The following DPYD variants were observed in gnomAD, a reference collection of about 807,000 sequenced individuals.
DPYD encodes dihydropyrimidine dehydrogenase, also known as dihydropyrimidine dehydrogenase [NADP(+)].
DPYD carries 109 observed loss-of-function variants against 116.2 expected under a neutral mutation model. The ratio of observed to expected loss-of-function variants is 0.94; its 90% CI spans 0.80 to 1.10. DPYD has a LOEUF of 1.10. DPYD is among the 50% of genes least tolerant of loss of function. DPYD has a pLI of 0.00. For synonymous variants in DPYD, 440 were observed against 432.0 expected (o/e 1.02, Z -0.23); for missense variants, 1,302 against 1,254.5 (o/e 1.04, Z -0.57).
chr1:97,305,756 C>T (rs185018767), intron 17 of DPYD, among the ~76,000 whole-genome samples: 1 of 152,074 alleles, frequency 6.6e-6, no homozygotes, highest in Admixed American at 6.6e-5. Flanking sequence ...AGGAAGTCAG[C>T]TAGGCCCTAC....
intron 18 of DPYD, among the ~76,000 whole-genome samples, chr1:97,255,041 C>T (rs552031140): frequency 3.3e-5 from 5 of 152,244 alleles, no homozygotes; most frequent in South Asian, 2.1e-4. Context: ...TTAGACATCA[C>T]GTTTATCTTA....
chr1:97,438,441 T>C (rs141365598), intron 14 of DPYD, among the ~76,000 whole-genome samples: 95 of 152,220 alleles, frequency 6.2e-4, no homozygotes, highest in African/African-American at 2.2e-3. Context: ...ACATCTTTTG[T>C]CAGATTTATC....
chr1:97,774,217 C>A (rs1382146673), intron 3 of DPYD, among the ~76,000 whole-genome samples: 1 of 152,164 alleles, frequency 6.6e-6, no homozygotes, highest in Admixed American at 6.5e-5. Flanking sequence ...CATCCAGGAT[C>A]CTGGAAGGAG....
Position 97,679,186 on chromosome 1 carries a change from T to A in DPYD, c.763-4A>T, listed in dbSNP as rs757576626. On this transcript the variant is annotated splice_region_variant and splice_polypyrimidine_tract_variant and intron_variant, in intron 7 of 22. Coordinates refer to ENST00000370192, the MANE Select transcript of DPYD (RefSeq NM_000110.4). ...AAAGGCTTTTACCGCAAATTATCTA[T>A]AAGAAACAATATTTTGCATAAGAAA... is the stretch of plus-strand genomic sequence containing the variant. The A allele has an allele frequency of 6.7e-7, 1 of 1,493,670 alleles. No homozygotes were observed. Among genetic ancestry groups the A allele is most frequent in the Non-Finnish European group, 9.2e-7 (1 of 1,085,484 alleles). The allele number at this position is 1,493,670 out of a possible 1,614,324, so 92.5% of individuals were successfully genotyped here.
At position 97,385,317 on chromosome 1, in the gene DPYD, A is replaced by AAG. The variant is rs1284918421; in HGVS notation, c.1906-2858_1906-2857dup. 4.4e-3 allele frequency among the ~76,000 whole-genome samples: 498 copies of AAG among 112,308 alleles called. 22 individuals carry two copies. The highest frequency in any genetic ancestry group is 0.013 in the African/African-American group (412 of 31,166). 73.7% of individuals were successfully genotyped at this position (112,308 alleles called of 152,430 possible). A position where few individuals can be genotyped will look rare whatever the true frequency, so the allele number is the denominator to read the frequency against. The stretch of plus-strand genomic sequence containing the variant: ...AAAAAAAAAAAAAAAAAAAAAAAAA[A>AAG]AGAGAGAGAGAGATTAAGGACCTTA... On this transcript the variant is annotated intron_variant, in intron 14 of 22. Coordinates refer to ENST00000370192, the MANE Select transcript of DPYD (RefSeq NM_000110.4).
intron 3 of DPYD, among the ~76,000 whole-genome samples, chr1:97,799,968 T>A (rs983903990): frequency 6.6e-6 from 1 of 151,964 alleles, no homozygotes; most frequent in Admixed American, 6.6e-5. Context: ...CCATTAGTAG[T>A]GATATTTATG....
At chr1:97,490,014 G>A (rs1389310581) in intron 13 of DPYD, among the ~76,000 whole-genome samples, 1 of 152,050 alleles carries the variant, frequency 6.6e-6, no homozygotes, top group African/African-American at 2.4e-5. Flanking sequence ...GTTCCTGGTT[G>A]CGCAAGTCAC....
At chr1:97,737,085 T>C (rs1320169292) in intron 4 of DPYD, among the ~76,000 whole-genome samples, 4 of 152,270 alleles carry the variant, frequency 2.6e-5, no homozygotes, top group South Asian at 2.1e-4. Flanking sequence ...CGTTTCTATA[T>C]AGTTGTCTAT....
intron 13 of DPYD, among the ~76,000 whole-genome samples, chr1:97,477,001 C>G (rs1678004756): frequency 6.6e-6 from 1 of 152,180 alleles, no homozygotes; most frequent in Admixed American, 6.5e-5. Flanking sequence ...CAAAACCTTT[C>G]TGCTGGTGGA....
chr1:97,292,264 C>T (rs116137346), intron 18 of DPYD, among the ~76,000 whole-genome samples: 5,356 of 152,102 alleles, frequency 0.035, 314 homozygotes, highest in African/African-American at 0.12. Flanking sequence ...AAGGCATACC[C>T]GAGACTGGGT....
rs114749717 is a variant in DPYD at position 97,441,904 on chromosome 1, C to A, written c.1905+8155G>T. On this transcript the variant is annotated intron_variant, in intron 14 of 22. Coordinates refer to ENST00000370192, the MANE Select transcript of DPYD (RefSeq NM_000110.4). Reference sequence around the variant, plus strand: ...TGGGCATGACCAAAGCAGTGCTCAGCCTGGGGCTAATTATTTCCCAATACT... The same window carrying A: ...TGGGCATGACCAAAGCAGTGCTCAGACTGGGGCTAATTATTTCCCAATACT... 7.2e-3 allele frequency among the ~76,000 whole-genome samples: 1,091 copies of A among 152,240 alleles called. 14 individuals carry two copies. The highest frequency in any genetic ancestry group is 0.025 in the African/African-American group (1,040 of 41,538).
chr1:97,097,050 G>A (rs1411076381), intron 21 of DPYD, among the ~76,000 whole-genome samples: 2 of 152,180 alleles, frequency 1.3e-5, no homozygotes, highest in Admixed American at 1.3e-4. Context: ...CTCGTGAAGG[G>A]CTGTAGGTTC....
chr1:97,384,218 C>T (rs957277705), intron 14 of DPYD, among the ~76,000 whole-genome samples: 2 of 146,890 alleles, frequency 1.4e-5, no homozygotes, highest in Non-Finnish European at 3.0e-5. Context: ...TGTGCTCTCA[C>T]TACATAGAGC....
chr1:97,121,614 C>A (rs554165540), intron 20 of DPYD, among the ~76,000 whole-genome samples: 1 of 152,124 alleles, frequency 6.6e-6, no homozygotes, highest in African/African-American at 2.4e-5. Flanking sequence ...TGTAACAACT[C>A]TGTTGGAAAG....
chr1:97,366,618 C>A (rs1671055892), intron 16 of DPYD, among the ~76,000 whole-genome samples: 1 of 152,180 alleles, frequency 6.6e-6, no homozygotes, highest in South Asian at 2.1e-4. Flanking sequence ...TGTGTCCATG[C>A]TGATTCCGGC....
intron 11 of DPYD, among the ~76,000 whole-genome samples, chr1:97,556,117 C>T (rs150975875): frequency 2.6e-5 from 4 of 152,282 alleles, no homozygotes; most frequent in African/African-American, 9.6e-5. Flanking sequence ...GGTCCTTACT[C>T]TCAGGGTCAT....
chr1:97,735,873 A>G (rs1663914624), intron 4 of DPYD, among the ~76,000 whole-genome samples: 1 of 151,934 alleles, frequency 6.6e-6, no homozygotes, highest in Non-Finnish European at 1.5e-5. Flanking sequence ...TGAAGAAATT[A>G]TTAGTAAACT....
At chr1:97,623,504 A>C (rs1656746303) in intron 8 of DPYD, among the ~76,000 whole-genome samples, 1 of 152,012 alleles carries the variant, frequency 6.6e-6, no homozygotes, top group African/African-American at 2.4e-5. Context: ...GAAACATTTT[A>C]ATGAGGGGGT....
chr1:97,496,951 T>C (rs1679300198), intron 13 of DPYD, among the ~76,000 whole-genome samples: 1 of 151,990 alleles, frequency 6.6e-6, no homozygotes, highest in Admixed American at 6.6e-5. Flanking sequence ...TTAAGAGCAC[T>C]CTATTGCCAT....
Sources: gnomAD v4.1 joint callset for allele counts (sites outside exome capture counted in the v4.1 genomes callset) on GRCh38, gnomAD v4.1.1 for gene constraint, MANE v1.5 for transcripts, NCBI Gene and HGNC (gene_info 2026-07-23, HGNC 2026-07-21) for gene names.